The following GPC5 variants were observed in gnomAD, a reference collection of about 807,000 sequenced individuals.
GPC5 encodes the protein glypican 5.
A neutral mutation model predicts 53.9 loss-of-function variants in GPC5; 47 were observed. That is an observed-to-expected ratio of 0.87 (90% confidence interval 0.69 to 1.11). The LOEUF (loss-of-function observed/expected upper bound fraction) is 1.11, where lower values mean the gene tolerates loss of function less well. Ranked by LOEUF, GPC5 falls within the 50% of genes most tolerant of loss-of-function variation. The pLI, the probability that GPC5 is intolerant of heterozygous loss-of-function variation, is 0.00. For missense variants in GPC5, 748 were observed against 713.1 expected, an observed-to-expected ratio of 1.05 and a Z score of -0.56; for synonymous variants, 286 against 263.3, an observed-to-expected ratio of 1.09 and a Z score of -0.84.
chr13:91,838,234 TC>T (rs1437164967), intron 5 of GPC5, among the ~76,000 whole-genome samples: 4 of 152,094 alleles, frequency 2.6e-5, no homozygotes, highest in African/African-American at 7.2e-5. Context: ...TTTCCCAGTG[TC>T]CCCTGCCATC....
chr13:92,149,067 C>A (rs2041888737), intron 7 of GPC5, among the ~76,000 whole-genome samples: 1 of 151,262 alleles, frequency 6.6e-6, no homozygotes, highest in Non-Finnish European at 1.5e-5. Context: ...CAGTGGTAAT[C>A]GAGGGAAAAT....
intron 2 of GPC5, among the ~76,000 whole-genome samples, chr13:91,494,388 C>G (rs1395160508): frequency 6.6e-6 from 1 of 151,284 alleles, no homozygotes; most frequent in Non-Finnish European, 1.5e-5. Context: ...TTCCTATCAG[C>G]ATACTAATAA....
At position 92,475,104 on chromosome 13, in the gene GPC5, A is replaced by G. The variant is rs557328885; in HGVS notation, c.1561+330115A>G. 5.9e-5 allele frequency among the ~76,000 whole-genome samples: 9 copies of G among 152,230 alleles called. 1 individual carries two copies. The South Asian group carries it at 1.9e-3, about 32-fold the overall frequency. On this transcript the variant is annotated intron_variant, in intron 7 of 7. Transcript: ENST00000377067. ...GCAAGGACACAGGAACAAATTTAGCATTGAAAATAAACAGTTGAAGTCAGG... is the reference window on the plus strand; with the variant it reads ...GCAAGGACACAGGAACAAATTTAGCGTTGAAAATAAACAGTTGAAGTCAGG...
chr13:92,568,432 C>A (rs1281066660), intron 7 of GPC5, among the ~76,000 whole-genome samples: 1 of 152,080 alleles, frequency 6.6e-6, no homozygotes, highest in Admixed American at 6.6e-5. Context: ...CGGGAGAATA[C>A]TTTTTATTTA....
At chr13:92,857,523 A>G (rs1879040018) in intron 7 of GPC5, among the ~76,000 whole-genome samples, 1 of 152,142 alleles carries the variant, frequency 6.6e-6, no homozygotes, top group South Asian at 2.1e-4. Context: ...TTAACAAAGT[A>G]AACAGACACC....
chr13:91,571,855 A>ACACG (rs1221102668), intron 2 of GPC5, among the ~76,000 whole-genome samples: 2 of 132,732 alleles, frequency 1.5e-5, no homozygotes, highest in African/African-American at 2.8e-5. Flanking sequence ...GTATATACAC[A>ACACG]TATACGTGTG....
At chr13:92,560,730 T>C (rs1882665943) in intron 7 of GPC5, among the ~76,000 whole-genome samples, 1 of 151,990 alleles carries the variant, frequency 6.6e-6, no homozygotes, top group African/African-American at 2.4e-5. Flanking sequence ...TAAAATGATT[T>C]CCCTGGCTGC....
intron 2 of GPC5, among the ~76,000 whole-genome samples, chr13:91,580,447 AT>A (rs1347011799): frequency 1.3e-5 from 2 of 152,222 alleles, no homozygotes; most frequent in Non-Finnish European, 2.9e-5. Context: ...TTTTTCTTGA[AT>A]GAAATTTTTA....
At chr13:91,719,306 C>T (rs1246618876) in intron 3 of GPC5, among the ~76,000 whole-genome samples, 1 of 152,236 alleles carries the variant, frequency 6.6e-6, no homozygotes, top group Non-Finnish European at 1.5e-5. Flanking sequence ...ACCCTCCAGC[C>T]GCCCCTAGGT....
chr13:91,831,973 G>A (rs1186878860), intron 5 of GPC5, among the ~76,000 whole-genome samples: 1 of 151,830 alleles, frequency 6.6e-6, no homozygotes, highest in Non-Finnish European at 1.5e-5. Context: ...TGCCTATTAG[G>A]TCTGCTTGGT....
At chr13:92,564,510 A>G (rs1882803246) in intron 7 of GPC5, among the ~76,000 whole-genome samples, 1 of 152,068 alleles carries the variant, frequency 6.6e-6, no homozygotes, top group South Asian at 2.1e-4. Context: ...GTGTTTAATT[A>G]ATTATTTTAT....
At chr13:92,670,127 A>T (rs1933187) in intron 7 of GPC5, among the ~76,000 whole-genome samples, 63,293 of 152,052 alleles carry the variant, frequency 0.42, 13,365 homozygotes, top group East Asian at 0.51. Context: ...TTTATAAAGA[A>T]ATGAATTAAT....
chr13:92,297,933 G>A (rs576425868), intron 7 of GPC5, among the ~76,000 whole-genome samples: 1 of 152,142 alleles, frequency 6.6e-6, no homozygotes, highest in East Asian at 1.9e-4. Context: ...CGAGCCCACT[G>A]GGAGGAACGA....
intron 7 of GPC5, among the ~76,000 whole-genome samples, chr13:92,754,509 G>T (rs371993970): frequency 8.6e-5 from 13 of 151,548 alleles, no homozygotes; most frequent in African/African-American, 1.5e-4. Context: ...TGGACTAAAT[G>T]CTCCAATTAA....
At chr13:92,248,406 G>C (rs990023095) in intron 7 of GPC5, among the ~76,000 whole-genome samples, 8 of 152,028 alleles carry the variant, frequency 5.3e-5, no homozygotes, top group Non-Finnish European at 1.0e-4. Flanking sequence ...AAAACTTATG[G>C]TTCTGGGACC....
intron 5 of GPC5, among the ~76,000 whole-genome samples, chr13:91,785,594 A>G (rs2037865817): frequency 6.6e-6 from 1 of 152,240 alleles, no homozygotes; most frequent in African/African-American, 2.4e-5. Flanking sequence ...CTCAATGGCT[A>G]TAAATATCTG....
At chr13:92,594,067 G>A (rs1276219657) in intron 7 of GPC5, among the ~76,000 whole-genome samples, 1 of 152,178 alleles carries the variant, frequency 6.6e-6, no homozygotes, top group East Asian at 1.9e-4. Context: ...TGGAGTGGTA[G>A]TAACTGATTC....
intron 6 of GPC5, among the ~76,000 whole-genome samples, chr13:92,042,171 C>T (rs766716392): frequency 6.6e-6 from 1 of 152,124 alleles, no homozygotes; most frequent in Non-Finnish European, 1.5e-5. Context: ...CACTTCCCCC[C>T]ATGCAGCCTC....
intron 5 of GPC5, among the ~76,000 whole-genome samples, chr13:91,786,302 T>C (rs2037878059): frequency 6.6e-6 from 1 of 152,118 alleles, no homozygotes; most frequent in Non-Finnish European, 1.5e-5. Flanking sequence ...GCCCAAAGTT[T>C]TTCTATTTCT....
Sources: allele counts gnomAD v4.1 joint callset (sites outside exome capture counted in the v4.1 genomes callset), GRCh38; gene constraint gnomAD v4.1.1; transcripts MANE v1.5; gene names NCBI Gene and HGNC (gene_info 2026-07-23, HGNC 2026-07-21).